NIPAL2: variants seen among roughly 807,000 people sequenced by gnomAD.
NIPAL2 encodes the protein NIPA-like protein 2.
Under a neutral mutation model 48.9 loss-of-function variants are expected in NIPAL2, and 43 were observed. The observed-to-expected ratio is 0.88, with a 90% CI of 0.69 to 1.13. The LOEUF is 1.13. Ranked by LOEUF, NIPAL2 falls within the 50% of genes most tolerant of loss-of-function variation. The pLI is 0.00. For synonymous variants in NIPAL2, 167 were observed against 174.6 expected (o/e 0.96, Z 0.34); for missense variants, 446 against 461.4 (o/e 0.97, Z 0.31).
chr8:98,204,117 CA>C (rs1810924641), intron 7 of NIPAL2, among the ~76,000 whole-genome samples: 1 of 152,104 alleles, frequency 6.6e-6, no homozygotes, highest in Non-Finnish European at 1.5e-5. Flanking sequence ...GTCAAATTTA[CA>C]AAGTATGGTA....
At position 98,271,433 on chromosome 8, in the gene NIPAL2, T is replaced by C. The variant is rs199671579; in HGVS notation, c.136-17346A>G. On this transcript the variant is annotated intron_variant, in intron 1 of 10. Coordinates refer to ENST00000430223, the MANE Select transcript of NIPAL2 (RefSeq NM_001321635.2). Reference sequence around the variant, plus strand: ...TCATCTCCTTAGTTAGATGTATTCCTAGGTATTTTATTTTTGTGTGTGGTT... The same window carrying C: ...TCATCTCCTTAGTTAGATGTATTCCCAGGTATTTTATTTTTGTGTGTGGTT... 5.9e-5 allele frequency among the ~76,000 whole-genome samples: 9 copies of C among 152,320 alleles called. No individual in the cohort carries two copies. In the East Asian group the frequency reaches 1.5e-3, roughly 26 times the overall value.
At chr8:98,223,669 C>A (rs981433852) in intron 4 of NIPAL2, among the ~76,000 whole-genome samples, 5 of 152,180 alleles carry the variant, frequency 3.3e-5, no homozygotes, top group African/African-American at 1.2e-4. Context: ...TTCCTGGAAG[C>A]AAATAGCATT....
At chr8:98,282,134 GCAGGGTGATATCTCAC>G (rs1391745700) in intron 1 of NIPAL2, among the ~76,000 whole-genome samples, 1 of 152,174 alleles carries the variant, frequency 6.6e-6, no homozygotes, top group Non-Finnish European at 1.5e-5. Flanking sequence ...GGGAAGCCTC[GCAGGGTGATATCTCAC>G]CAGGGTGAGT....
At chr8:98,264,157 A>T (rs1243119190) in intron 1 of NIPAL2, among the ~76,000 whole-genome samples, 9 of 151,080 alleles carry the variant, frequency 6.0e-5, no homozygotes, top group Admixed American at 2.6e-4. Context: ...TCTATGACAA[A>T]CCCACAGCCA....
In NIPAL2 at chr8:98,215,061, C is replaced by T. The variant is rs116950920; in HGVS notation, c.559-2560G>A. Among the ~76,000 whole-genome samples, 345 of 152,298 alleles carry T rather than the reference C, an allele frequency of 2.3e-3. 11 individuals are homozygous for T. In the East Asian group the frequency reaches 0.057, roughly 25 times the overall value. ...AGACAATTCACAGCAGCGTTTGGGC[C>T]GCTGTATTTGTTGCTGGAGAAAAGA... On this transcript the variant is annotated intron_variant, in intron 5 of 10. Coordinates refer to ENST00000430223, the MANE Select transcript of NIPAL2 (RefSeq NM_001321635.2).
intron 1 of NIPAL2, among the ~76,000 whole-genome samples, chr8:98,255,243 G>T (rs1232951133): frequency 6.6e-6 from 1 of 152,268 alleles, no homozygotes; most frequent in Non-Finnish European, 1.5e-5. Flanking sequence ...ATTATTTAAC[G>T]ATTTCAAAAG....
chr8:98,264,618 A>C (rs1490284285), intron 1 of NIPAL2, among the ~76,000 whole-genome samples: 1 of 150,976 alleles, frequency 6.6e-6, no homozygotes, highest in Non-Finnish European at 1.5e-5. Context: ...CCCCTGCTCA[A>C]GGAAATAAAA....
chr8:98,207,953 A>G (rs1811117664), intron 6 of NIPAL2, among the ~76,000 whole-genome samples: 1 of 152,126 alleles, frequency 6.6e-6, no homozygotes, highest in African/African-American at 2.4e-5. Context: ...AACTATTAAA[A>G]GCGGGGCTGT....
At chr8:98,232,207 G>A (rs758309062) in intron 4 of NIPAL2, among the ~76,000 whole-genome samples, 4 of 151,938 alleles carry the variant, frequency 2.6e-5, no homozygotes, top group Admixed American at 1.3e-4. Context: ...TGGAGGCAAG[G>A]GTATAGAATA....
intron 5 of NIPAL2, among the ~76,000 whole-genome samples, chr8:98,214,651 T>C (rs1811486221): frequency 6.6e-6 from 1 of 152,238 alleles, no homozygotes; most frequent in Non-Finnish European, 1.5e-5. Context: ...AACTTAAATT[T>C]GTTTCCATTC....
chr8:98,193,346 T>C, intron 10 of NIPAL2: 12 of 1,611,140 alleles, frequency 7.4e-6, no homozygotes, highest in Non-Finnish European at 1.0e-5. Flanking sequence ...GGAAATCAGG[T>C]GGGTTTAGTC....
rs146132779 is a variant in NIPAL2, at chr8:98,249,097, T to A, written c.376+3366A>T. 3.0e-3 allele frequency among the ~76,000 whole-genome samples: 452 copies of A among 152,264 alleles called. 1 individual carries two copies. The highest frequency in any genetic ancestry group is 0.01 in the African/African-American group (422 of 41,550). ...GGGAATCTCAGATGTGTTCAGTATG[T>A]TTTGGAGACCTGGCGTACTGCATCT... On this transcript the variant is annotated intron_variant, in intron 3 of 10. Coordinates refer to ENST00000430223, the MANE Select transcript of NIPAL2 (RefSeq NM_001321635.2).
At chr8:98,262,342 TAAAG>T (rs1814399377) in intron 1 of NIPAL2, among the ~76,000 whole-genome samples, 1 of 148,360 alleles carries the variant, frequency 6.7e-6, no homozygotes, top group Admixed American at 6.7e-5. Flanking sequence ...GCAAATTGGA[TAAAG>T]AGTCAAGACC....
intron 1 of NIPAL2, among the ~76,000 whole-genome samples, chr8:98,288,786 A>T (rs1193462795): frequency 1.3e-5 from 2 of 152,242 alleles, no homozygotes; most frequent in Non-Finnish European, 2.9e-5. Context: ...AACTGTGAAG[A>T]TAATTATTTT....
chr8:98,233,849 G>T (rs1812570704), intron 4 of NIPAL2, among the ~76,000 whole-genome samples: 1 of 152,006 alleles, frequency 6.6e-6, no homozygotes, highest in African/African-American at 2.4e-5. Context: ...TTGTATCTTT[G>T]TTAACATTTC....
chr8:98,206,316 G>GTGTATATATATATATA (rs138475191), intron 6 of NIPAL2, among the ~76,000 whole-genome samples: 1 of 147,578 alleles, frequency 6.8e-6, no homozygotes. Flanking sequence ...GTGTGTGTGT[G>GTGTATATATATATATA]TATATATATA....
rs555084831 is a variant in NIPAL2 at position 98,224,738 on chromosome 8, C to T, written c.437-2138G>A. Among the ~76,000 whole-genome samples the T allele has an allele frequency of 1.8e-4, 25 of 138,848 alleles. No homozygotes were observed. In the South Asian group the frequency reaches 2.1e-3, roughly 12 times the overall value. 91.1% of individuals were successfully genotyped at this position (138,848 alleles called of 152,430 possible). The stretch of plus-strand genomic sequence containing the variant: ...AATGGCTGATGCTTTTGCAGTTATA[C>T]TTTCTTTCTTTCTTTTCTTTTTTTT... On this transcript the variant is annotated intron_variant, in intron 4 of 10. Transcript: ENST00000430223.
At chr8:98,226,077 T>A (rs1198645992) in intron 4 of NIPAL2, among the ~76,000 whole-genome samples, 1 of 152,152 alleles carries the variant, frequency 6.6e-6, no homozygotes, top group African/African-American at 2.4e-5. Flanking sequence ...ATTATTTCAA[T>A]TTCTTTGTTA....
At chr8:98,198,591 T>C (rs571394485) in intron 8 of NIPAL2, among the ~76,000 whole-genome samples, 1 of 152,374 alleles carries the variant, frequency 6.6e-6, no homozygotes, top group South Asian at 2.1e-4. Flanking sequence ...CCTTCATCAA[T>C]GATCTTAGCT....
Sources: gnomAD v4.1 joint callset for allele counts (sites outside exome capture counted in the v4.1 genomes callset) on GRCh38, gnomAD v4.1.1 for gene constraint, MANE v1.5 for transcripts, NCBI Gene and HGNC (gene_info 2026-07-23, HGNC 2026-07-21) for gene names.